The following PRSS41 variants were observed in gnomAD, a reference collection of about 807,000 sequenced individuals.
PRSS41 encodes the protein serine protease 41.
Under a neutral mutation model 28.8 loss-of-function variants are expected in PRSS41, and 37 were observed. The ratio of observed to expected loss-of-function variants is 1.29; its 90% confidence interval spans 0.99 to 1.69. The LOEUF is 1.69. Ranked by LOEUF, PRSS41 falls within the 40% of genes most tolerant of loss-of-function variation. The probability of loss-of-function intolerance (pLI) is 0.00; values close to 1 mark genes in which losing one functional copy is unlikely to be tolerated. For synonymous variants in PRSS41, 195 were observed against 163.1 expected, an observed-to-expected ratio of 1.20 and a Z score of -1.49; for missense variants, 431 against 400.7, an observed-to-expected ratio of 1.08 and a Z score of -0.65.
At chr16:2,802,028 C>CT (rs1567267934) in intron 4 of PRSS41, among the ~76,000 whole-genome samples, 1 of 147,980 alleles carries the variant, frequency 6.8e-6, no homozygotes, top group African/African-American at 2.5e-5. Context: ...GCTGACCCCC[C>CT]CCACCTCCCT....
At chr16:2,800,094 C>T (rs2068976572) in intron 4 of PRSS41, among the ~76,000 whole-genome samples, 1 of 152,224 alleles carries the variant, frequency 6.6e-6, no homozygotes, top group African/African-American at 2.4e-5. Flanking sequence ...GAGCCTGCTA[C>T]ACACCCAGAC....
At chr16:2,802,739 C>T (rs866492154) in intron 4 of PRSS41, among the ~76,000 whole-genome samples, 1 of 152,206 alleles carries the variant, frequency 6.6e-6, no homozygotes, top group East Asian at 1.9e-4. Context: ...GGCATGGCGG[C>T]GCATGCCTGC....
chr16:2,798,601 TG>T (rs759130172), intron 1 of PRSS41, 34 bp from the exon 2 acceptor site: 27 of 1,513,798 alleles, frequency 1.8e-5, no homozygotes, highest in Non-Finnish European at 2.2e-5. Context: ...GGCCGGGAGG[TG>T]GAGGCCGCGA....
In PRSS41 at chr16:2,805,060, G is replaced by A. The variant is rs941179909; in HGVS notation, c.846G>A (p.Val282=). ...TGTACTTCCACTGGATCCGGAGGGT[G>A]ATGTCCCACAGTACACCCAGGCCAA... The change falls in exon 6 of 6, where the codon GTG becomes GTA. Residue 282 remains valine (V), a synonymous_variant. Transcript: ENST00000399677. 9.7e-6 allele frequency: 15 copies of A among 1,552,828 alleles called. No individual in the cohort carries two copies. In the Admixed American group the frequency reaches 1.6e-4, roughly 16 times the overall value.
At chr16:2,802,090 T>C (rs1330751374) in intron 4 of PRSS41, among the ~76,000 whole-genome samples, 2 of 147,168 alleles carry the variant, frequency 1.4e-5, no homozygotes, top group African/African-American at 2.6e-5. Context: ...CCAGATGGGG[T>C]GGCTGCCGGG....
chr16:2,802,025 C>T (rs555894169), intron 4 of PRSS41, among the ~76,000 whole-genome samples: 1 of 145,550 alleles, frequency 6.9e-6, no homozygotes, highest in Non-Finnish European at 1.5e-5. Context: ...GGGGCTGACC[C>T]CCCCCACCTC....
At chr16:2,799,199 GCTTGGCCTCAGGGA>G in intron 3 of PRSS41, 73 bp from the exon 4 acceptor site, 4 of 1,514,504 alleles carry the variant, frequency 2.6e-6, no homozygotes, top group Non-Finnish European at 3.5e-6. Context: ...CCACCCAGCA[GCTTGGCCTCAGGGA>G]CTGGGCCTCC....
At chr16:2,801,717 T>C (rs2068987250) in intron 4 of PRSS41, among the ~76,000 whole-genome samples, 1 of 152,086 alleles carries the variant, frequency 6.6e-6, no homozygotes, top group Non-Finnish European at 1.5e-5. Context: ...CAGAACAAAA[T>C]GAAAAGTCTC....
rs1167484302 is a variant in PRSS41 at position 2,798,957 on chromosome 16, A to T, written c.92-2A>T. On this transcript the variant is annotated splice_acceptor_variant, in intron 2 of 5. Transcript: ENST00000399677. LOFTEE classifies it high-confidence loss of function. ...TCAGCCGCGTCCGTCTGTCCATCCC[A>T]GAGGCCTGCGGCCACCGGGAAATTC... 1 of 1,301,398 alleles carries T rather than the reference A, an allele frequency of 7.7e-7. No individual in the cohort carries two copies. 80.6% of individuals were successfully genotyped at this position (1,301,398 alleles called of 1,614,324 possible).
exon 6 of PRSS41, chr16:2,805,226 G>A (rs2069014304): frequency 1.5e-5 from 15 of 1,016,206 alleles, no homozygotes; most frequent in Non-Finnish European, 2.0e-5. Context: ...GCGCTTCAGG[G>A]ACAGGGTTGG....
At position 2,799,141 on chromosome 16, in the gene PRSS41, GC is replaced by G; in HGVS notation, c.257+19del. ...CTTCCAAAAGTGAGTCTGGGGGGCG[GC>G]CGGGGCCTCAGACTTGCTAATGGCC... On this transcript the variant is annotated intron_variant, in intron 3 of 5. Transcript: ENST00000399677. The G allele has an allele frequency of 6.6e-7, 1 of 1,508,528 alleles. No homozygotes were observed. The highest frequency in any genetic ancestry group is 8.8e-7 in the Non-Finnish European group (1 of 1,131,372). The allele number at this position is 1,508,528 out of a possible 1,614,324, so 93.4% of individuals were successfully genotyped here.
In PRSS41 at chr16:2,798,595, G is replaced by A. The variant is rs74675777; in HGVS notation, c.65-41G>A. On this transcript the variant is annotated intron_variant, in intron 1 of 5. Coordinates refer to ENST00000399677, the Ensembl canonical transcript of PRSS41. ...CGGGACCGGGGGCAGCGAGGAGGCC[G>A]GGAGGTGGAGGCCGCGAGGGTCACT... 11,736 of 1,523,410 alleles carry A rather than the reference G, an allele frequency of 7.7e-3. 53 individuals carry two copies. Among genetic ancestry groups the A allele is most frequent in the Non-Finnish European group, 8.8e-3 (10,021 of 1,138,340 alleles). The allele number at this position is 1,523,410 out of a possible 1,614,324, so 94.4% of individuals were successfully genotyped here.
chr16:2,799,493 C>T (rs374323400), exon 4 of PRSS41: 25 of 1,551,952 alleles, frequency 1.6e-5, no homozygotes, highest in African/African-American at 4.1e-5. Context: ...CCATTTGCAT[C>T]GAGTCTTCCA....
intron 4 of PRSS41, among the ~76,000 whole-genome samples, chr16:2,804,097 G>C (rs552949704): frequency 1.2e-4 from 18 of 152,244 alleles, no homozygotes; most frequent in African/African-American, 4.3e-4. Flanking sequence ...GCCATGCTTT[G>C]GTTGAGAAAT....
At position 2,798,523 on chromosome 16, in the gene PRSS41, GGCTCGGGCTGGACTCGGGAAGCCGGGTGA is replaced by G. The variant is rs751074612; in HGVS notation, c.47_64+11del. 3.3e-6 allele frequency: 5 copies of G among 1,526,344 alleles called. No individual in the cohort carries two copies. 94.6% of individuals were successfully genotyped at this position (1,526,344 alleles called of 1,614,324 possible). A position where few individuals can be genotyped will look rare whatever the true frequency, so the allele number is the denominator to read the frequency against. ...GGGCGCTGCTGCTGGCGCTGCTGCTGGCTCGGGCTGGACTCGGGAAGCCGGGTGAGCTCGGGGCGCTACAGGCGGGACCG... is the reference window on the plus strand; with the variant it reads ...GGGCGCTGCTGCTGGCGCTGCTGCTGGCTCGGGGCGCTACAGGCGGGACCG... On this transcript the variant is annotated splice_donor_variant and splice_donor_region_variant and coding_sequence_variant and intron_variant, in exon 1 of 6. Transcript: ENST00000399677. LOFTEE classifies it high-confidence loss of function.
chr16:2,804,473 C>T (rs755917841), exon 5 of PRSS41: 6 of 1,551,580 alleles, frequency 3.9e-6, no homozygotes, highest in Non-Finnish European at 5.2e-6. Flanking sequence ...TTTGAACAGC[C>T]CTCTAGCCGT....
chr16:2,801,297 G>C (rs924894856), intron 4 of PRSS41, among the ~76,000 whole-genome samples: 1 of 150,660 alleles, frequency 6.6e-6, no homozygotes, highest in South Asian at 2.1e-4. Context: ...TTGATGATTT[G>C]ATTGTTTTAT....
intron 4 of PRSS41, among the ~76,000 whole-genome samples, chr16:2,802,134 T>G (rs2068992065): frequency 6.7e-6 from 1 of 148,326 alleles, no homozygotes; most frequent in African/African-American, 2.5e-5. Flanking sequence ...ACGGAGTGGT[T>G]GCCAGGCAGA....
intron 5 of PRSS41, 63 bp from the exon 6 acceptor site, chr16:2,804,851 C>A: frequency 7.7e-7 from 1 of 1,299,160 alleles, no homozygotes; most frequent in Non-Finnish European, 1.1e-6. Flanking sequence ...CCCTCCTGCT[C>A]TCATGGCCTC....
Sources: gnomAD v4.1 joint callset for allele counts (sites outside exome capture counted in the v4.1 genomes callset) on GRCh38, gnomAD v4.1.1 for gene constraint, MANE v1.5 for transcripts, NCBI Gene and HGNC (gene_info 2026-07-23, HGNC 2026-07-21) for gene names.